The following LMAN2L variants were observed in gnomAD, a reference collection of about 807,000 sequenced individuals.
The protein encoded by LMAN2L is lectin, mannose binding 2 like, also known as VIP36-like protein.
Under a neutral mutation model 44.3 loss-of-function variants are expected in LMAN2L, and 30 were observed. The observed-to-expected ratio is 0.68, with a 90% CI of 0.51 to 0.92. The LOEUF (loss-of-function observed/expected upper bound fraction) is 0.92, where lower values mean the gene tolerates loss of function less well. LMAN2L is among the 40% of genes least tolerant of loss of function. LMAN2L has a pLI of 0.00. For synonymous variants in LMAN2L, 183 were observed against 171.1 expected (o/e 1.07, Z -0.54); for missense variants, 429 against 446.1 (o/e 0.96, Z 0.35).
chr2:96,721,443 T>G lies in LMAN2L; in HGVS notation c.508-9418A>C, dbSNP rs536539425. The stretch of plus-strand genomic sequence containing the variant: ...GAGGTCCTGGGCTCAAGTGATCCAC[T>G]CACCTTGGTCTCCTAAAGTGCTAGA... On this transcript the variant is annotated intron_variant, in intron 4 of 7. Coordinates refer to ENST00000264963, the MANE Select transcript of LMAN2L (RefSeq NM_030805.4). Among the ~76,000 whole-genome samples, 7 of 145,078 alleles carry G rather than the reference T, an allele frequency of 4.8e-5. No individual in the cohort carries two copies. The East Asian group carries it at 1.6e-3, about 33-fold the overall frequency.
At chr2:96,725,639 G>T (rs1405047580) in intron 4 of LMAN2L, among the ~76,000 whole-genome samples, 1 of 150,552 alleles carries the variant, frequency 6.6e-6, no homozygotes, top group Non-Finnish European at 1.5e-5. Flanking sequence ...TAGAGACGGG[G>T]TTTTACCATG....
chr2:96,717,725 GC>G (rs905521683), intron 4 of LMAN2L, among the ~76,000 whole-genome samples: 5 of 151,312 alleles, frequency 3.3e-5, no homozygotes, highest in Non-Finnish European at 7.4e-5. Flanking sequence ...TGTAATCCCA[GC>G]TACTCAGGAG....
intron 4 of LMAN2L, among the ~76,000 whole-genome samples, chr2:96,714,380 G>C (rs576841406): frequency 6.6e-6 from 1 of 152,212 alleles, no homozygotes; most frequent in African/African-American, 2.4e-5. Flanking sequence ...CCAGGAGTCC[G>C]AGGCTGCAGT....
chr2:96,738,657 G>A (rs571138056), intron 1 of LMAN2L, among the ~76,000 whole-genome samples: 51 of 152,154 alleles, frequency 3.4e-4, no homozygotes, highest in African/African-American at 1.1e-3. Flanking sequence ...CCTAGGCAAC[G>A]GAACAAGACC....
At chr2:96,715,513 T>A (rs556531425) in intron 4 of LMAN2L, among the ~76,000 whole-genome samples, 1 of 152,336 alleles carries the variant, frequency 6.6e-6, no homozygotes, top group Admixed American at 6.5e-5. Context: ...GAAAGCACTC[T>A]GTAAGTTAGA....
At chr2:96,713,928 G>A (rs938215121) in intron 4 of LMAN2L, among the ~76,000 whole-genome samples, 1 of 152,204 alleles carries the variant, frequency 6.6e-6, no homozygotes, top group African/African-American at 2.4e-5. Flanking sequence ...GCTCAGCTCT[G>A]CCCTGTGGGA....
intron 1 of LMAN2L, among the ~76,000 whole-genome samples, chr2:96,738,834 G>A (rs958875490): frequency 1.3e-5 from 2 of 151,896 alleles, no homozygotes; most frequent in Non-Finnish European, 2.9e-5. Context: ...TCTGCCTCCC[G>A]GGTTCACGCC....
At chr2:96,713,254 A>G (rs2077967517) in intron 4 of LMAN2L, 8 of 827,020 alleles carry the variant, frequency 9.7e-6, no homozygotes, top group South Asian at 3.3e-5. Flanking sequence ...GGATGAACAA[A>G]CCAACTTAAA....
chr2:96,706,246 T>C lies in LMAN2L; in HGVS notation c.*1010A>G, dbSNP rs2077776615. On this transcript the variant is annotated 3_prime_UTR_variant, in exon 8 of 8. Transcript: ENST00000264963. Reference sequence around the variant, plus strand: ...GAAAAAAAAAGCCAAATTTCTTCTCTGGGCAATATCCAAGCCCAAGGTGTA... The same window carrying C: ...GAAAAAAAAAGCCAAATTTCTTCTCCGGGCAATATCCAAGCCCAAGGTGTA... 2 of 152,254 alleles carry C rather than the reference T, an allele frequency of 1.3e-5. No homozygotes were observed. The highest frequency in any genetic ancestry group is 4.8e-5 in the African/African-American group (2 of 41,450). The allele number at this position is 152,254 out of a possible 1,614,324, so 9.4% of individuals were successfully genotyped here. A position where few individuals can be genotyped will look rare whatever the true frequency, so the allele number is the denominator to read the frequency against.
chr2:96,731,489 T>C (rs1167350948), intron 4 of LMAN2L, among the ~76,000 whole-genome samples: 1 of 151,624 alleles, frequency 6.6e-6, no homozygotes, highest in African/African-American at 2.4e-5. Flanking sequence ...TCTCTAAAAA[T>C]ACAAAAATTA....
chr2:96,715,151 C>G (rs1013439210), intron 4 of LMAN2L, among the ~76,000 whole-genome samples: 4 of 152,122 alleles, frequency 2.6e-5, no homozygotes, highest in African/African-American at 9.7e-5. Flanking sequence ...GTTGGTCAGG[C>G]TGGTCTCGAA....
intron 6 of LMAN2L, among the ~76,000 whole-genome samples, chr2:96,710,579 G>A (rs563403724): frequency 7.2e-5 from 11 of 152,206 alleles, no homozygotes; most frequent in South Asian, 6.2e-4. Flanking sequence ...CAGGAGAATC[G>A]CTTGAATACA....
chr2:96,733,259 G>A (rs1037720828), intron 4 of LMAN2L, among the ~76,000 whole-genome samples: 10 of 152,182 alleles, frequency 6.6e-5, no homozygotes, highest in African/African-American at 1.7e-4. Context: ...CTCAATTTTA[G>A]TGGCTATCTA....
intron 4 of LMAN2L, among the ~76,000 whole-genome samples, chr2:96,724,714 T>A (rs1273183338): frequency 1.3e-5 from 2 of 152,166 alleles, no homozygotes; most frequent in African/African-American, 4.8e-5. Flanking sequence ...TGGCGCAATC[T>A]CAGCTCACTG....
In LMAN2L at chr2:96,707,266, C is replaced by T. The variant is rs374083188; in HGVS notation, c.1037G>A (p.Arg346His). The stretch of plus-strand genomic sequence containing the variant: ...TGGCAGCAGGAGGGCTCAGTAGAAG[C>T]GCTTTCGGCTCTGTTCCTGCCATTT... ...YNKWQEQSRK[R>H]FY The change falls in exon 8 of 8, where the codon CGC becomes CAC. Residue 346 changes from arginine to histidine, a missense_variant. Arg to His is a conservative substitution (Grantham distance 29, BLOSUM62 0). Coordinates refer to ENST00000264963, the MANE Select transcript of LMAN2L (RefSeq NM_030805.4). 1.9e-5 allele frequency: 31 copies of T among 1,613,950 alleles called. No individual in the cohort carries two copies. The highest frequency in any genetic ancestry group is 1.1e-4 in the African/African-American group (8 of 75,030).
intron 6 of LMAN2L, 70 bp downstream of exon 6, chr2:96,711,586 G>A (rs756482955): frequency 3.0e-5 from 30 of 1,005,908 alleles, no homozygotes; most frequent in Non-Finnish European, 3.6e-5. Context: ...CCCTGTGAGA[G>A]GCCTCAATGA....
intron 4 of LMAN2L, among the ~76,000 whole-genome samples, chr2:96,730,160 G>A: frequency 6.6e-6 from 1 of 151,982 alleles, no homozygotes; most frequent in East Asian, 1.9e-4. Context: ...ACTATCTCAT[G>A]GTGAAATGGA....
chr2:96,728,871 C>G (rs192674185), intron 4 of LMAN2L, among the ~76,000 whole-genome samples: 27 of 151,050 alleles, frequency 1.8e-4, no homozygotes, highest in Admixed American at 4.6e-4. Flanking sequence ...GACTCCATCT[C>G]GAAAAATAAA....
intron 6 of LMAN2L, among the ~76,000 whole-genome samples, chr2:96,710,444 C>T (rs572093087): frequency 8.5e-5 from 13 of 152,228 alleles, no homozygotes; most frequent in African/African-American, 2.2e-4. Context: ...CCAAGGCGGG[C>T]GGATCACAAG....
Sources: allele counts gnomAD v4.1 joint callset (sites outside exome capture counted in the v4.1 genomes callset), GRCh38; gene constraint gnomAD v4.1.1; transcripts MANE v1.5; gene names NCBI Gene and HGNC (gene_info 2026-07-23, HGNC 2026-07-21).